Variants in MCPH1 observed in about 807,000 individuals in gnomAD.
The protein encoded by MCPH1 is microcephalin.
Under a neutral mutation model 84.5 loss-of-function variants are expected in MCPH1, and 104 were observed. The observed-to-expected ratio is 1.23, with a 90% confidence interval of 1.05 to 1.45. MCPH1 has a LOEUF of 1.45. MCPH1 is among the 40% of genes most tolerant of loss of function. MCPH1 has a pLI of 0.00. For missense variants in MCPH1, 1,498 were observed against 1,005.7 expected (o/e 1.49, Z -6.62); for synonymous variants, 514 against 366.8 (o/e 1.40, Z -4.58).
At chr8:6,561,800 A>G (rs1241335764) in intron 12 of MCPH1, among the ~76,000 whole-genome samples, 1 of 152,226 alleles carries the variant, frequency 6.6e-6, no homozygotes, top group Admixed American at 6.5e-5. Context: ...TTATTTATGA[A>G]AGAAAAACAG....
intron 12 of MCPH1, among the ~76,000 whole-genome samples, chr8:6,605,617 C>A (rs1368704000): frequency 6.6e-6 from 1 of 152,234 alleles, no homozygotes; most frequent in African/African-American, 2.4e-5. Context: ...AAGTCAGTGG[C>A]TGCTGATCTG....
intron 12 of MCPH1, among the ~76,000 whole-genome samples, chr8:6,510,321 G>C (rs1354301316): frequency 1.3e-5 from 2 of 152,142 alleles, no homozygotes; most frequent in African/African-American, 4.8e-5. Context: ...GGCACACGAA[G>C]ACCCAGGCGA....
At chr8:6,412,501 C>G (rs1199408098) in intron 2 of MCPH1, among the ~76,000 whole-genome samples, 3 of 152,146 alleles carry the variant, frequency 2.0e-5, no homozygotes, top group African/African-American at 7.2e-5. Context: ...TTATCTTAAG[C>G]CAATTTCAGG....
intron 13 of MCPH1, 44 bp downstream of exon 13, chr8:6,621,735 G>C (rs367960705): frequency 2.5e-6 from 4 of 1,613,104 alleles, no homozygotes; most frequent in African/African-American, 2.7e-5. Flanking sequence ...GTCCAGATCT[G>C]TGGACAGGTT....
At chr8:6,420,684 A>C (rs1279796744) in intron 3 of MCPH1, among the ~76,000 whole-genome samples, 1 of 152,100 alleles carries the variant, frequency 6.6e-6, no homozygotes, top group Admixed American at 6.5e-5. Context: ...AGTCGAGACA[A>C]GTATCATGTC....
At chr8:6,559,071 G>C (rs189832480) in intron 12 of MCPH1, among the ~76,000 whole-genome samples, 1 of 152,088 alleles carries the variant, frequency 6.6e-6, no homozygotes, top group Admixed American at 6.5e-5. Context: ...TGTAGCCAGC[G>C]GATACAGTAA....
rs370719440 is a variant in MCPH1, at chr8:6,431,576, T to C, written c.311T>C (p.Ile104Thr). 23 of 1,606,124 alleles carry C rather than the reference T, an allele frequency of 1.4e-5. No individual in the cohort carries two copies. The highest frequency in any genetic ancestry group is 1.7e-4 in the Middle Eastern group (1 of 6,030). The change falls in exon 4 of 14, where the codon ATT becomes ACT. Residue 104 changes from isoleucine to threonine, a missense_variant. By Grantham distance (89) the Ile-to-Thr change is moderately conservative. Transcript: ENST00000344683. ...ANMNEHLSSL[I>T]KKKRKCMQPK... ...ATGAATGAACACTTATCAAGCCTAA[T>C]TAAAAAAAAAGTAAGTACATGATTT...
intron 10 of MCPH1, 34 bp from the exon 11 acceptor site, chr8:6,480,680 A>T: frequency 6.2e-7 from 1 of 1,613,620 alleles, no homozygotes; most frequent in Non-Finnish European, 8.5e-7. Context: ...CAACAAAGTC[A>T]TTCATTTTGT....
At chr8:6,560,636 C>T (rs1825383927) in intron 12 of MCPH1, among the ~76,000 whole-genome samples, 2 of 152,168 alleles carry the variant, frequency 1.3e-5, no homozygotes, top group South Asian at 4.1e-4. Flanking sequence ...CGGTATTTAG[C>T]TAGACAGCTG....
chr8:6,634,653 G>T (rs1365034019), intron 13 of MCPH1, among the ~76,000 whole-genome samples: 1 of 152,188 alleles, frequency 6.6e-6, no homozygotes, highest in Non-Finnish European at 1.5e-5. Context: ...TTTCTGATCG[G>T]TTTTACAAAC....
chr8:6,564,367 C>G (rs1038087570), intron 12 of MCPH1, among the ~76,000 whole-genome samples: 1 of 152,176 alleles, frequency 6.6e-6, no homozygotes, highest in African/African-American at 2.4e-5. Context: ...GTATTAGACT[C>G]GGGCAAGTCA....
chr8:6,454,206 T>C (rs1034813667), intron 8 of MCPH1, among the ~76,000 whole-genome samples: 2 of 152,208 alleles, frequency 1.3e-5, no homozygotes, highest in Non-Finnish European at 2.9e-5. Context: ...ACATTGTCTA[T>C]TGGGTTGTGA....
intron 8 of MCPH1, among the ~76,000 whole-genome samples, chr8:6,449,942 C>G (rs993199965): frequency 6.6e-6 from 1 of 152,140 alleles, no homozygotes; most frequent in African/African-American, 2.4e-5. Context: ...TTGCTTTTCA[C>G]GAAGGAGACA....
intron 12 of MCPH1, among the ~76,000 whole-genome samples, chr8:6,557,450 G>C (rs1441636072): frequency 6.6e-6 from 1 of 152,152 alleles, no homozygotes; most frequent in Non-Finnish European, 1.5e-5. Flanking sequence ...TGGCTGCAAA[G>C]TTCAGTGGCT....
chr8:6,518,879 A>G (rs924206116), intron 12 of MCPH1, among the ~76,000 whole-genome samples: 1 of 152,196 alleles, frequency 6.6e-6, no homozygotes, highest in African/African-American at 2.4e-5. Flanking sequence ...CAAATGTTTA[A>G]GAGAAGCCAC....
intron 12 of MCPH1, among the ~76,000 whole-genome samples, chr8:6,609,828 C>CCCCCCCCCCCCCCTA (rs1475345162): frequency 9.2e-6 from 1 of 108,744 alleles, no homozygotes; most frequent in Non-Finnish European, 2.2e-5. Context: ...CGCCCCCCCC[C>CCCCCCCCCCCCCCTA]CACACACAGA....
intron 12 of MCPH1, among the ~76,000 whole-genome samples, chr8:6,533,419 C>T (rs745438290): frequency 5.3e-5 from 8 of 152,110 alleles, no homozygotes; most frequent in Non-Finnish European, 1.2e-4. Context: ...AGTCTTGGTT[C>T]TAGGAAAGTT....
chr8:6,542,571 C>T (rs138145431), intron 12 of MCPH1, among the ~76,000 whole-genome samples: 7 of 151,316 alleles, frequency 4.6e-5, no homozygotes, highest in East Asian at 1.9e-4. Context: ...GCACTCTCAT[C>T]GCTGTACTGA....
At chr8:6,630,395 A>G (rs957643924) in intron 13 of MCPH1, among the ~76,000 whole-genome samples, 1 of 152,368 alleles carries the variant, frequency 6.6e-6, no homozygotes, top group East Asian at 1.9e-4. Flanking sequence ...GAAAACAGGT[A>G]AGATGGATGA....
Sources: allele counts gnomAD v4.1 joint callset (sites outside exome capture counted in the v4.1 genomes callset), GRCh38; gene constraint gnomAD v4.1.1; transcripts MANE v1.5; gene names NCBI Gene and HGNC (gene_info 2026-07-23, HGNC 2026-07-21).